FRMD6: variants seen among roughly 807,000 people sequenced by gnomAD.
FRMD6 encodes FERM domain containing 6.
A neutral mutation model predicts 73.2 loss-of-function variants in FRMD6; 37 were observed. The observed-to-expected ratio is 0.51, with a 90% CI of 0.39 to 0.66. FRMD6 has a LOEUF of 0.66. Ranked by LOEUF, FRMD6 falls within the 30% of genes least tolerant of loss-of-function variation. The pLI is 0.00. For missense variants in FRMD6, 714 were observed against 780.5 expected (o/e 0.91, Z 1.02); for synonymous variants, 273 against 282.2 (o/e 0.97, Z 0.33).
chr14:51,492,160 C>T (rs375018797), intron 1 of FRMD6, among the ~76,000 whole-genome samples: 4 of 152,180 alleles, frequency 2.6e-5, no homozygotes, highest in African/African-American at 9.6e-5. Context: ...TTGTTCTTTT[C>T]CTTTCCTTGA....
At chr14:51,650,072 T>C (rs1487927583), upstream of FRMD6, 2 of 152,240 alleles carry the variant, frequency 1.3e-5, no homozygotes, top group Non-Finnish European at 2.9e-5. Context: ...TGAAACATAT[T>C]TCTTGTTCTC....
At chr14:51,403,684 G>A in the FRMD6 span, among the ~76,000 whole-genome samples, 2 of 152,266 alleles carry the variant, frequency 1.3e-5, no homozygotes, top group African/African-American at 2.4e-5. Flanking sequence ...TTACAGGCAT[G>A]AGCCACCATG....
At position 51,636,794 on chromosome 14, in the gene FRMD6, G is replaced by GGTGAC. The variant is rs572704975; in HGVS notation, c.-146-52892_-146-52888dup. ...GGTCCCCATTAAGCACTGTGAGAGGGGTGACGTGAGGGGAGAAGCAGGGAG... is the reference window on the plus strand; with the variant it reads ...GGTCCCCATTAAGCACTGTGAGAGGGGTGACGTGACGTGAGGGGAGAAGCAGGGAG... On this transcript the variant is annotated intron_variant, in intron 2 of 14. Transcript: ENST00000356218. 2.2e-3 allele frequency among the ~76,000 whole-genome samples: 342 copies of GGTGAC among 152,200 alleles called. 1 individual carries two copies. The highest frequency in any genetic ancestry group is 4.4e-3 in the Non-Finnish European group (296 of 68,002).
intron 1 of FRMD6, among the ~76,000 whole-genome samples, chr14:51,542,724 C>T (rs989846716): frequency 1.3e-5 from 2 of 152,030 alleles, no homozygotes; most frequent in Admixed American, 6.6e-5. Flanking sequence ...TACCACTTTA[C>T]GTTTCCACCA....
intron 1 of FRMD6, among the ~76,000 whole-genome samples, chr14:51,527,778 TTA>T (rs1305851565): frequency 1.3e-5 from 2 of 152,158 alleles, no homozygotes; most frequent in Non-Finnish European, 2.9e-5. Flanking sequence ...TGCTGTACCT[TTA>T]TGAGAGACAG....
intron 1 of FRMD6, among the ~76,000 whole-genome samples, chr14:51,689,181 C>CTAGA (rs1330695444): frequency 6.6e-6 from 1 of 152,140 alleles, no homozygotes; most frequent in East Asian, 1.9e-4. Flanking sequence ...AAGTGATGGC[C>CTAGA]TAGAGATCAT....
intron 2 of FRMD6, among the ~76,000 whole-genome samples, chr14:51,601,683 A>C (rs893259093): frequency 6.6e-6 from 1 of 152,232 alleles, no homozygotes; most frequent in African/African-American, 2.4e-5. Flanking sequence ...CTTCAACTGG[A>C]TAAAAGGCTT....
intron 2 of FRMD6, among the ~76,000 whole-genome samples, chr14:51,644,416 C>T (rs116118892): frequency 6.9e-4 from 105 of 151,412 alleles, no homozygotes; most frequent in African/African-American, 2.4e-3. Flanking sequence ...CTCTCTCTCC[C>T]TCCCTGATCT....
intron 10 of FRMD6, among the ~76,000 whole-genome samples, chr14:51,719,843 CTAAG>C: frequency 6.6e-6 from 1 of 152,294 alleles, no homozygotes; most frequent in Non-Finnish European, 1.5e-5. Context: ...TTTCAAAAAA[CTAAG>C]TAGTTTAAAT....
chr14:51,698,925 C>G (rs1896117972), intron 3 of FRMD6, among the ~76,000 whole-genome samples: 1 of 151,894 alleles, frequency 6.6e-6, no homozygotes, highest in South Asian at 2.1e-4. Flanking sequence ...CTAATTTAGT[C>G]TTCTATATAT....
intron 1 of FRMD6, among the ~76,000 whole-genome samples, chr14:51,563,086 C>T (rs565678213): frequency 3.3e-5 from 5 of 152,288 alleles, no homozygotes; most frequent in Admixed American, 6.5e-5. Flanking sequence ...TGTGTAGCAT[C>T]GCCAGCATGG....
intron 1 of FRMD6, chr14:51,489,563 G>C (rs561837353): frequency 6.6e-6 from 1 of 152,432 alleles, no homozygotes; most frequent in South Asian, 2.1e-4. Flanking sequence ...AGCCCAAACT[G>C]CTGAGGGAGT....
chr14:51,712,170 G>T (rs1463978422), intron 8 of FRMD6, among the ~76,000 whole-genome samples: 1 of 152,172 alleles, frequency 6.6e-6, no homozygotes, highest in African/African-American at 2.4e-5. Context: ...AAAATATCCA[G>T]TTATGAAAGT....
chr14:51,668,816 C>G (rs1287997184), intron 1 of FRMD6, among the ~76,000 whole-genome samples: 1 of 151,892 alleles, frequency 6.6e-6, no homozygotes, highest in Non-Finnish European at 1.5e-5. Flanking sequence ...TACAGGCATG[C>G]ACCACCACAC....
At chr14:51,593,505 G>C (rs1441177013) in intron 2 of FRMD6, among the ~76,000 whole-genome samples, 1 of 152,200 alleles carries the variant, frequency 6.6e-6, no homozygotes, top group Non-Finnish European at 1.5e-5. Context: ...TGTCAGCAGA[G>C]CAAGCTGTGT....
intron 2 of FRMD6, among the ~76,000 whole-genome samples, chr14:51,645,496 C>A (rs1892023421): frequency 6.6e-6 from 1 of 152,118 alleles, no homozygotes; most frequent in Non-Finnish European, 1.5e-5. Context: ...GTGGCATGAT[C>A]ACAGCTCACT....
At chr14:51,515,945 G>C (rs1169998818) in intron 1 of FRMD6, among the ~76,000 whole-genome samples, 2 of 152,212 alleles carry the variant, frequency 1.3e-5, no homozygotes, top group African/African-American at 2.4e-5. Flanking sequence ...ACACTGCAAA[G>C]TAGTTACTCT....
At chr14:51,443,475 C>T in the FRMD6 span, among the ~76,000 whole-genome samples, 1 of 152,162 alleles carries the variant, frequency 6.6e-6, no homozygotes, top group African/African-American at 2.4e-5. Flanking sequence ...TTATGGCTGC[C>T]AAAAAATGCA....
At chr14:51,630,768 A>C (rs1277964559) in intron 2 of FRMD6, among the ~76,000 whole-genome samples, 1 of 152,164 alleles carries the variant, frequency 6.6e-6, no homozygotes, top group African/African-American at 2.4e-5. Context: ...TAAATAAATA[A>C]GCCTTAATGA....
Sources: gnomAD v4.1 joint callset for allele counts (sites outside exome capture counted in the v4.1 genomes callset) on GRCh38, gnomAD v4.1.1 for gene constraint, MANE v1.5 for transcripts, NCBI Gene and HGNC (gene_info 2026-07-23, HGNC 2026-07-21) for gene names.